The following MEI1 variants were observed in gnomAD, a reference collection of about 807,000 sequenced individuals.
MEI1 encodes the protein meiosis inhibitor protein 1.
MEI1 carries 103 observed loss-of-function variants against 146.2 expected under a neutral mutation model. The ratio of observed to expected loss-of-function variants is 0.70; its 90% CI spans 0.60 to 0.83. The LOEUF (loss-of-function observed/expected upper bound fraction) is 0.83, where lower values mean the gene tolerates loss of function less well. Ranked by LOEUF, MEI1 falls within the 40% of genes least tolerant of loss-of-function variation. MEI1 has a pLI of 0.00. For missense variants in MEI1, 1,529 were observed against 1,533.0 expected (o/e 1.00, Z 0.04); for synonymous variants, 652 against 628.2 (o/e 1.04, Z -0.57).
chr22:41,771,037 A>G, intron 20 of MEI1, 76 bp downstream of exon 20: 1 of 1,513,010 alleles, frequency 6.6e-7, no homozygotes, highest in Non-Finnish European at 8.9e-7. Flanking sequence ...TACTGAGGTC[A>G]GGAGGCACCC....
chr22:41,735,678 T>G (rs1375472676), intron 11 of MEI1, among the ~76,000 whole-genome samples: 1 of 152,240 alleles, frequency 6.6e-6, no homozygotes, highest in Non-Finnish European at 1.5e-5. Context: ...CTCTGTTGTT[T>G]TGAATTTATA....
chr22:41,788,463 CAT>C (rs1569329399), intron 26 of MEI1, among the ~76,000 whole-genome samples: 1 of 147,432 alleles, frequency 6.8e-6, no homozygotes, highest in Admixed American at 6.7e-5. Flanking sequence ...TTTTTTGAGA[CAT>C]AGTCTTGCTC....
intron 23 of MEI1, 44 bp from the exon 24 acceptor site, chr22:41,781,641 T>C: frequency 2.5e-6 from 4 of 1,597,480 alleles, no homozygotes; most frequent in Non-Finnish European, 3.4e-6. Context: ...TAGCTGAAGC[T>C]CCTCTGTAAC....
At chr22:41,797,007 AT>A (rs1206618114) in intron 30 of MEI1, among the ~76,000 whole-genome samples, 1 of 151,928 alleles carries the variant, frequency 6.6e-6, no homozygotes, top group Non-Finnish European at 1.5e-5. Context: ...CTTTTTATTT[AT>A]TTTTTTTAAG....
chr22:41,743,910 C>CTG (rs924545628), intron 12 of MEI1, among the ~76,000 whole-genome samples: 9 of 152,118 alleles, frequency 5.9e-5, no homozygotes, highest in Admixed American at 2.6e-4. Flanking sequence ...GAGTCTTACT[C>CTG]TGTGGCCCCA....
chr22:41,748,170 C>T lies in MEI1; in HGVS notation c.1744C>T (p.Leu582Phe). ...MEVFLSILHN[L>F]FVIVPHMKEK... ...AGTTTTCCTCTCAATTCTACATAAC[C>T]TCTTTGTCATCGTTCCCCACATGAA... Residue 582 changes from leucine to phenylalanine, a missense_variant, in exon 15 of 31, where the codon CTC becomes TTC. Leu to Phe is a conservative substitution (Grantham distance 22). Around this residue, in one of 3 missense-constraint regions of MEI1, gnomAD observed 1,212 missense variants for 1,178.9 expected, o/e 1.03. Coordinates refer to ENST00000401548, the MANE Select transcript of MEI1 (RefSeq NM_152513.4). 2 of 1,614,002 alleles carry T rather than the reference C, an allele frequency of 1.2e-6. No homozygotes were observed. Among genetic ancestry groups the T allele is most frequent in the Non-Finnish European group, 1.7e-6 (2 of 1,179,874 alleles).
chr22:41,778,585 C>G (rs2075590956), intron 21 of MEI1, 123 bp from the exon 22 acceptor site: 1 of 669,150 alleles, frequency 1.5e-6, no homozygotes, highest in African/African-American at 1.8e-5. Flanking sequence ...CAAAACACCT[C>G]ACCCCTTAGG....
At chr22:41,752,131 C>T (rs2073803392) in intron 15 of MEI1, among the ~76,000 whole-genome samples, 1 of 151,616 alleles carries the variant, frequency 6.6e-6, no homozygotes, top group Admixed American at 6.6e-5. Context: ...CAATTGCTTT[C>T]AACAGACAAT....
intron 16 of MEI1, among the ~76,000 whole-genome samples, chr22:41,753,053 C>G (rs2073874652): frequency 6.6e-6 from 1 of 150,648 alleles, no homozygotes; most frequent in Non-Finnish European, 1.5e-5. Context: ...GAGTCTTGCT[C>G]TGTCACCCAG....
chr22:41,770,624 T>G, intron 19 of MEI1, 62 bp from the exon 20 acceptor site: 1 of 1,488,668 alleles, frequency 6.7e-7, no homozygotes, highest in Non-Finnish European at 9.1e-7. Context: ...CTCTTGGCCA[T>G]GTTGGGGTCT....
Position 41,795,711 on chromosome 22 carries a change from T to C in MEI1, c.3667-24T>C. The C allele has an allele frequency of 6.2e-7, 1 of 1,608,450 alleles. No individual in the cohort carries two copies. The highest frequency in any genetic ancestry group is 8.5e-7 in the Non-Finnish European group (1 of 1,176,342). On this transcript the variant is annotated intron_variant, in intron 29 of 30. Coordinates refer to ENST00000401548, the MANE Select transcript of MEI1 (RefSeq NM_152513.4). The surrounding 1 kb of genome is among the most constrained non-coding windows in gnomAD (Gnocchi z 4.2). ...GGAATGGGCACTGAGGAGGCCTGTC[T>C]TCCCTGCCCTCTTCTCCCTGCAGCT... is the stretch of plus-strand genomic sequence containing the variant.
chr22:41,797,303 T>G (rs1359609815), intron 30 of MEI1, among the ~76,000 whole-genome samples: 1 of 152,044 alleles, frequency 6.6e-6, no homozygotes, highest in East Asian at 2.0e-4. Context: ...ACAAAATTAT[T>G]TAAAACTGCA....
rs1485727628 is a variant in MEI1 at position 41,730,501 on chromosome 22, C to G, written c.980-20C>G. 1.9e-6 allele frequency: 3 copies of G among 1,550,690 alleles called. No homozygotes were observed. Among genetic ancestry groups the G allele is most frequent in the East Asian group, 2.2e-5 (1 of 44,612 alleles). ...TCACATGGCTGTCATTTATTGTTTTCTCATCCTCTCCCTTGTTAGAGTTCC... is the reference window on the plus strand; with the variant it reads ...TCACATGGCTGTCATTTATTGTTTTGTCATCCTCTCCCTTGTTAGAGTTCC... On this transcript the variant is annotated intron_variant, in intron 8 of 30. Coordinates refer to ENST00000401548, the MANE Select transcript of MEI1 (RefSeq NM_152513.4).
chr22:41,746,302 T>C (rs964898), intron 14 of MEI1, among the ~76,000 whole-genome samples: 126,892 of 152,178 alleles, frequency 0.83, 53,865 homozygotes, highest in African/African-American at 0.95. Context: ...ATATTCACTA[T>C]CTGATTTAGT....
chr22:41,755,072 T>G (rs1301616053), intron 17 of MEI1, among the ~76,000 whole-genome samples: 1 of 152,146 alleles, frequency 6.6e-6, no homozygotes, highest in Non-Finnish European at 1.5e-5. Context: ...TTTTTCCTCT[T>G]GTTGAACATT....
chr22:41,743,228 C>G lies in MEI1; in HGVS notation c.1446+34C>G, dbSNP rs1195282025. On this transcript the variant is annotated intron_variant, in intron 12 of 30. Coordinates refer to ENST00000401548, the MANE Select transcript of MEI1 (RefSeq NM_152513.4). ...ACTGCAGCCTGCTGCTTCCGAAGAT[C>G]ATGCTGCAGTGTGTTTTTAGAAAGA... 5 of 1,470,406 alleles carry G rather than the reference C, an allele frequency of 3.4e-6. No individual in the cohort carries two copies. In the East Asian group the frequency reaches 1.1e-4, roughly 34 times the overall value. The allele number at this position is 1,470,406 out of a possible 1,614,324, so 91.1% of individuals were successfully genotyped here. A position where few individuals can be genotyped will look rare whatever the true frequency, so the allele number is the denominator to read the frequency against.
At chr22:41,792,805 G>A (rs2076224439) in intron 26 of MEI1, among the ~76,000 whole-genome samples, 1 of 151,834 alleles carries the variant, frequency 6.6e-6, no homozygotes, top group African/African-American at 2.4e-5. Flanking sequence ...TTAGCTATTG[G>A]TAGATGTACA....
chr22:41,742,831 ACTGGGTTTCACCATGTTG>A (rs2072991665), intron 11 of MEI1, among the ~76,000 whole-genome samples: 1 of 152,054 alleles, frequency 6.6e-6, no homozygotes, highest in Non-Finnish European at 1.5e-5. Flanking sequence ...TTTTGTGGAG[ACTGGGTTTCACCATGTTG>A]CCCAGGCTGG....
intron 1 of MEI1, among the ~76,000 whole-genome samples, chr22:41,700,739 G>A (rs1292167832): frequency 7.1e-6 from 1 of 141,058 alleles, no homozygotes; most frequent in Admixed American, 7.3e-5. Context: ...GGCTAGATCA[G>A]CAGTTCTCAA....
Sources: allele counts gnomAD v4.1 joint callset (sites outside exome capture counted in the v4.1 genomes callset), GRCh38; gene constraint gnomAD v4.1.1; regional missense constraint gnomAD v4.1.1; non-coding constraint Gnocchi (gnomAD v3.1); transcripts MANE v1.5; gene names NCBI Gene and HGNC (gene_info 2026-07-23, HGNC 2026-07-21).